PTPRD: variants seen among roughly 807,000 people sequenced by gnomAD.
PTPRD encodes protein tyrosine phosphatase receptor type D.
PTPRD carries 34 observed loss-of-function variants against 214.5 expected under a neutral mutation model. The ratio of observed to expected loss-of-function variants is 0.16; its 90% CI spans 0.12 to 0.21. The LOEUF (loss-of-function observed/expected upper bound fraction) is 0.21, where lower values mean the gene tolerates loss of function less well. PTPRD is among the 10% of genes least tolerant of loss of function. The pLI, the probability that PTPRD is intolerant of heterozygous loss-of-function variation, is 1.00. For synonymous variants in PTPRD, 1,128 were observed against 845.7 expected (o/e 1.33, Z -5.79); for missense variants, 2,545 against 2,398.7 (o/e 1.06, Z -1.27).
chr9:10,019,435 C>T (rs2096797353), intron 4 of PTPRD, among the ~76,000 whole-genome samples: 2 of 151,934 alleles, frequency 1.3e-5, no homozygotes, highest in Non-Finnish European at 1.5e-5. Flanking sequence ...GGGTATATAC[C>T]CAAAGGATTA....
chr9:9,753,992 C>G (rs1407882383), intron 6 of PTPRD, among the ~76,000 whole-genome samples: 3 of 152,010 alleles, frequency 2.0e-5, no homozygotes, highest in Non-Finnish European at 4.4e-5. Flanking sequence ...TCCAATATAG[C>G]AATTATTATA....
At chr9:10,074,683 C>G (rs779125850) in intron 3 of PTPRD, among the ~76,000 whole-genome samples, 4 of 152,206 alleles carry the variant, frequency 2.6e-5, no homozygotes, top group Non-Finnish European at 4.4e-5. Context: ...TGTACCAGCT[C>G]TGATTTAGAG....
chr9:9,768,227 C>G (rs1424391403), intron 5 of PTPRD, among the ~76,000 whole-genome samples: 1 of 152,090 alleles, frequency 6.6e-6, no homozygotes, highest in African/African-American at 2.4e-5. Flanking sequence ...CTTACATACC[C>G]TCTCTGAGAC....
intron 8 of PTPRD, among the ~76,000 whole-genome samples, chr9:9,491,655 A>G (rs1423759451): frequency 6.6e-6 from 1 of 152,076 alleles, no homozygotes; most frequent in African/African-American, 2.4e-5. Flanking sequence ...AAAGCCACTT[A>G]TTTTTGGAAA....
chr9:8,664,601 A>G (rs749229086), intron 12 of PTPRD, among the ~76,000 whole-genome samples: 1 of 152,198 alleles, frequency 6.6e-6, no homozygotes, highest in African/African-American at 2.4e-5. Context: ...CCTAGTGAGC[A>G]GAGACCACCA....
chr9:10,206,393 T>A (rs1219468225), intron 3 of PTPRD, among the ~76,000 whole-genome samples: 1 of 152,100 alleles, frequency 6.6e-6, no homozygotes, highest in Non-Finnish European at 1.5e-5. Context: ...CAAAGCCAAC[T>A]CCCTCCCAAT....
intron 9 of PTPRD, among the ~76,000 whole-genome samples, chr9:9,302,269 T>C (rs1056602563): frequency 6.6e-5 from 10 of 151,988 alleles, no homozygotes; most frequent in African/African-American, 2.2e-4. Context: ...AATTATCTTC[T>C]ATGTCCTTTT....
chr9:10,128,105 C>A (rs575598380), intron 3 of PTPRD, among the ~76,000 whole-genome samples: 2 of 152,132 alleles, frequency 1.3e-5, no homozygotes, highest in Non-Finnish European at 2.9e-5. Flanking sequence ...TCTTCCCTTT[C>A]TGGCCCCAAC....
chr9:9,172,433 T>A (rs1053034375), intron 10 of PTPRD, among the ~76,000 whole-genome samples: 4 of 152,132 alleles, frequency 2.6e-5, no homozygotes, highest in Admixed American at 1.3e-4. Flanking sequence ...CCTGAATAAA[T>A]CTGATTAACC....
chr9:9,914,929 G>A (rs1348280391), intron 5 of PTPRD, among the ~76,000 whole-genome samples: 1 of 152,174 alleles, frequency 6.6e-6, no homozygotes, highest in African/African-American at 2.4e-5. Context: ...GCATGCCCAT[G>A]CTCCTAGCCA....
At chr9:8,810,908 T>C (rs1379967351) in intron 11 of PTPRD, among the ~76,000 whole-genome samples, 1 of 152,160 alleles carries the variant, frequency 6.6e-6, no homozygotes. Flanking sequence ...TTTCCCTTGT[T>C]GGCTATGAGT....
In PTPRD at chr9:9,808,487, C is replaced by A. The variant is rs534410886; in HGVS notation, c.-367-41636G>T. Among the ~76,000 whole-genome samples the A allele has an allele frequency of 5.9e-5, 9 of 152,238 alleles. No individual in the cohort carries two copies. The East Asian group carries it at 1.7e-3, about 29-fold the overall frequency. Reference sequence around the variant, plus strand: ...GAAAAGAAAAGACAAAATATCACCACCGTACCCGGATAGGCTTTGTATCTA... The same window carrying A: ...GAAAAGAAAAGACAAAATATCACCAACGTACCCGGATAGGCTTTGTATCTA... On this transcript the variant is annotated intron_variant, in intron 5 of 45. Transcript: ENST00000381196.
intron 12 of PTPRD, among the ~76,000 whole-genome samples, chr9:8,647,964 A>G (rs2096730023): frequency 6.6e-6 from 1 of 152,172 alleles, no homozygotes; most frequent in South Asian, 2.1e-4. Flanking sequence ...AGTTGCCACC[A>G]TGGGACTTCC....
At chr9:9,811,173 C>T (rs1036996609) in intron 5 of PTPRD, among the ~76,000 whole-genome samples, 2 of 152,034 alleles carry the variant, frequency 1.3e-5, no homozygotes, top group African/African-American at 4.8e-5. Context: ...CATAGTACCT[C>T]AGCCTGCGCA....
intron 4 of PTPRD, among the ~76,000 whole-genome samples, chr9:9,950,433 A>C (rs1157784141): frequency 1.0e-5 from 1 of 97,008 alleles, no homozygotes; most frequent in Admixed American, 9.8e-5. Flanking sequence ...GCTTTTAAGA[A>C]GAAAGTGGAG....
At chr9:8,952,042 A>G (rs1244775502) in intron 11 of PTPRD, among the ~76,000 whole-genome samples, 1 of 152,006 alleles carries the variant, frequency 6.6e-6, no homozygotes, top group Non-Finnish European at 1.5e-5. Flanking sequence ...TATATATGAT[A>G]GAGTAGTCTT....
chr9:8,854,845 C>G (rs1205852282), intron 11 of PTPRD, among the ~76,000 whole-genome samples: 4 of 152,134 alleles, frequency 2.6e-5, no homozygotes, highest in African/African-American at 7.2e-5. Context: ...TCTTTTAACC[C>G]TACATTATGC....
intron 12 of PTPRD, among the ~76,000 whole-genome samples, chr9:8,667,848 T>G (rs899955930): frequency 6.6e-6 from 1 of 152,140 alleles, no homozygotes; most frequent in African/African-American, 2.4e-5. Flanking sequence ...TGTATCATAA[T>G]TACCCTGATT....
intron 10 of PTPRD, among the ~76,000 whole-genome samples, chr9:9,040,579 ATT>A (rs34499487): frequency 6.6e-6 from 1 of 151,576 alleles, no homozygotes; most frequent in African/African-American, 2.4e-5. Context: ...TTCCCGAAGA[ATT>A]TTTTTTTTCA....
Sources: gnomAD v4.1 joint callset for allele counts (sites outside exome capture counted in the v4.1 genomes callset) on GRCh38, gnomAD v4.1.1 for gene constraint, MANE v1.5 for transcripts, NCBI Gene and HGNC (gene_info 2026-07-23, HGNC 2026-07-21) for gene names.